DCT: variants seen among roughly 807,000 people sequenced by gnomAD.
DCT encodes the protein dopachrome tautomerase, also known as L-dopachrome tautomerase.
In DCT, 47 loss-of-function variants were observed where a neutral mutation model predicts 53.0. That is an observed-to-expected ratio of 0.89 (90% confidence interval 0.70 to 1.13). DCT has a LOEUF of 1.13. Ranked by LOEUF, DCT falls within the 50% of genes most tolerant of loss-of-function variation. The pLI is 0.00. For synonymous variants in DCT, 244 were observed against 237.0 expected (o/e 1.03, Z -0.27); for missense variants, 669 against 637.4 (o/e 1.05, Z -0.53).
At chr13:94,447,686 A>T (rs776611243) in intron 6 of DCT, among the ~76,000 whole-genome samples, 4 of 152,238 alleles carry the variant, frequency 2.6e-5, no homozygotes, top group Non-Finnish European at 4.4e-5. Context: ...GAACTTTTAG[A>T]TACTGTCTGA....
chr13:94,503,194 A>G, the DCT span, among the ~76,000 whole-genome samples: 246 of 152,164 alleles, frequency 1.6e-3, 1 homozygote, highest in South Asian at 5.8e-3. Context: ...CCTGGGAAAC[A>G]TAGCAAAAAC....
At chr13:94,522,169 T>C in the DCT span, among the ~76,000 whole-genome samples, 2 of 152,186 alleles carry the variant, frequency 1.3e-5, no homozygotes, top group African/African-American at 2.4e-5. Context: ...TGATCCTAGA[T>C]GTGTCTGTGA....
chr13:94,491,038 A>G, the DCT span, among the ~76,000 whole-genome samples: 328 of 152,350 alleles, frequency 2.2e-3, 1 homozygote, highest in Non-Finnish European at 3.6e-3. Context: ...TTGTGGAAAC[A>G]TTTAGTCCTC....
At chr13:94,532,402 A>G in the DCT span, among the ~76,000 whole-genome samples, 1 of 152,350 alleles carries the variant, frequency 6.6e-6, no homozygotes, top group East Asian at 1.9e-4. Context: ...TCCATCAATG[A>G]TAGACTGGAT....
the DCT span, among the ~76,000 whole-genome samples, chr13:94,546,532 C>A: frequency 2.0e-5 from 3 of 152,124 alleles, no homozygotes; most frequent in African/African-American, 7.2e-5. This position sits in a 1 kb window ranked among gnomAD's most constrained non-coding sequence, Gnocchi z 4.2. Flanking sequence ...ATCCTTCCCC[C>A]ACCCACACCA....
chr13:94,538,415 C>A, the DCT span, among the ~76,000 whole-genome samples: 1 of 152,182 alleles, frequency 6.6e-6, no homozygotes, highest in African/African-American at 2.4e-5. Context: ...CAGCCTGCCT[C>A]CAGAGGCTGT....
At chr13:94,543,772 C>T in the DCT span, among the ~76,000 whole-genome samples, 3 of 152,236 alleles carry the variant, frequency 2.0e-5, no homozygotes, top group South Asian at 4.1e-4. Context: ...CGGTGGCTCA[C>T]GCCTGTAATC....
At chr13:94,471,879 GT>G (rs1239299391) in intron 1 of DCT, among the ~76,000 whole-genome samples, 1 of 152,172 alleles carries the variant, frequency 6.6e-6, no homozygotes, top group Non-Finnish European at 1.5e-5. Flanking sequence ...TTCATTGATT[GT>G]AACCCTGGTT....
Position 94,479,245 on chromosome 13 carries a change from A to C in DCT, c.11T>G (p.Leu4Arg), listed in dbSNP as rs1594332407. 1 of 1,585,986 alleles carries C rather than the reference A, an allele frequency of 6.3e-7. No homozygotes were observed. Among genetic ancestry groups the C allele is most frequent in the African/African-American group, 1.3e-5 (1 of 74,404 alleles). The change falls in exon 1 of 8, where the codon CTT (leucine) becomes CGT (arginine). Residue 4 changes from leucine (L) to arginine (R), a missense_variant. Physicochemically the swap from Leu to Arg is moderately radical, Grantham distance 102. Coordinates refer to ENST00000377028, the MANE Select transcript of DCT (RefSeq NM_001922.5). MSP[L>R]WWGFLLSCLG... ...GCAACTGAGCAGAAACCCCCACCAA[A>C]GGGGGCTCATGGCTTTATAATTGGG...
the DCT span, among the ~76,000 whole-genome samples, chr13:94,522,409 A>G: frequency 1.3e-5 from 2 of 152,152 alleles, no homozygotes; most frequent in African/African-American, 4.8e-5. Flanking sequence ...TTAGAGTTTT[A>G]GAACTCGGAC....
the DCT span, among the ~76,000 whole-genome samples, chr13:94,506,956 T>C: frequency 1.3e-5 from 2 of 152,228 alleles, no homozygotes; most frequent in African/African-American, 2.4e-5. Flanking sequence ...GAGTTTTTAC[T>C]ATTATCTTAC....
the DCT span, among the ~76,000 whole-genome samples, chr13:94,522,481 ATACT>A: frequency 8.7e-4 from 133 of 152,266 alleles, 3 homozygotes; most frequent in East Asian, 0.024. Context: ...ATGTGAGTTA[ATACT>A]TAATAAATTC....
chr13:94,458,462 T>G (rs1883549403), intron 6 of DCT, among the ~76,000 whole-genome samples: 1 of 152,102 alleles, frequency 6.6e-6, no homozygotes, highest in Non-Finnish European at 1.5e-5. Context: ...GACTCGTATT[T>G]CCCCATTTTG....
the DCT span, among the ~76,000 whole-genome samples, chr13:94,492,358 G>A: frequency 6.6e-6 from 1 of 152,168 alleles, no homozygotes. Context: ...AGGTGGTTGG[G>A]TCTTCTCCTC....
chr13:94,507,759 C>T, the DCT span, among the ~76,000 whole-genome samples: 2 of 152,164 alleles, frequency 1.3e-5, no homozygotes, highest in African/African-American at 4.8e-5. Context: ...CTCGGCCTCC[C>T]AAAGTGCTGG....
chr13:94,497,627 C>T, the DCT span, among the ~76,000 whole-genome samples: 4 of 152,200 alleles, frequency 2.6e-5, no homozygotes, highest in Non-Finnish European at 5.9e-5. Context: ...AGAAATATAT[C>T]TACTAATTAA....
chr13:94,538,353 G>C, the DCT span, among the ~76,000 whole-genome samples: 1 of 152,148 alleles, frequency 6.6e-6, no homozygotes, highest in Non-Finnish European at 1.5e-5. Flanking sequence ...AAGAGTTACG[G>C]AACTTCTGGA....
At chr13:94,474,594 T>C (rs76716183) in intron 1 of DCT, among the ~76,000 whole-genome samples, 7,827 of 152,278 alleles carry the variant, frequency 0.051, 298 homozygotes, top group Non-Finnish European at 0.079. Context: ...GGTGCGCAAG[T>C]TTTTCAGAAG....
the DCT span, among the ~76,000 whole-genome samples, chr13:94,501,217 G>A: frequency 6.6e-6 from 1 of 151,970 alleles, no homozygotes; most frequent in African/African-American, 2.4e-5. Context: ...TGCAGTGAAC[G>A]GAGATCGCAC....
Sources: allele counts gnomAD v4.1 joint callset (sites outside exome capture counted in the v4.1 genomes callset), GRCh38; gene constraint gnomAD v4.1.1; non-coding constraint Gnocchi (gnomAD v3.1); transcripts MANE v1.5; gene names NCBI Gene and HGNC (gene_info 2026-07-23, HGNC 2026-07-21).